Variants in STT3B observed in about 807,000 individuals in gnomAD.
STT3B encodes STT3 oligosaccharyltransferase complex catalytic subunit B.
Under a neutral mutation model 96.8 loss-of-function variants are expected in STT3B, and 29 were observed. That is an observed-to-expected ratio of 0.30 (90% CI 0.22 to 0.41). STT3B has a LOEUF of 0.41. Among genes scored for constraint, STT3B ranks in the 10% least tolerant of loss-of-function variants. The probability of loss-of-function intolerance (pLI) is 1.00; values close to 1 mark genes in which losing one functional copy is unlikely to be tolerated. For synonymous variants in STT3B, 367 were observed against 360.0 expected, an observed-to-expected ratio of 1.02 and a Z score of -0.22; for missense variants, 640 against 1,022.3, an observed-to-expected ratio of 0.63 and a Z score of 5.10.
In STT3B at chr3:31,600,425, A is replaced by G; in HGVS notation, c.843A>G (p.Leu281=). 6.3e-7 allele frequency: 1 copy of G among 1,593,982 alleles called. No homozygotes were observed. ...NLIPLHVFVL[L]LMQRYSKRVY... ...TTCCACTGCATGTATTTGTGTTGTT[A>G]CTGATGCAGAGATACAGCAAAAGAG... Residue 281 remains leucine, a synonymous_variant, in exon 5 of 16, where the codon TTA becomes TTG. Coordinates refer to ENST00000295770, the MANE Select transcript of STT3B (RefSeq NM_178862.3).
intron 2 of STT3B, among the ~76,000 whole-genome samples, chr3:31,577,179 A>G (rs1184238343): frequency 6.6e-6 from 1 of 152,178 alleles, no homozygotes; most frequent in East Asian, 1.9e-4. Flanking sequence ...TACTTCTAGC[A>G]TAGGTTTGTT....
At chr3:31,555,275 C>T (rs535987872) in intron 1 of STT3B, among the ~76,000 whole-genome samples, 1 of 152,136 alleles carries the variant, frequency 6.6e-6, no homozygotes, top group Non-Finnish European at 1.5e-5. Flanking sequence ...GCCTCTATTT[C>T]AAATCCTCTT....
At chr3:31,584,747 G>T (rs948494041) in intron 3 of STT3B, among the ~76,000 whole-genome samples, 1 of 152,048 alleles carries the variant, frequency 6.6e-6, no homozygotes, top group Non-Finnish European at 1.5e-5. Context: ...AATAGATTCA[G>T]TATTTGAAAA....
intron 1 of STT3B, among the ~76,000 whole-genome samples, chr3:31,545,177 G>C (rs1013265310): frequency 2.0e-5 from 3 of 152,148 alleles, no homozygotes; most frequent in Non-Finnish European, 4.4e-5. Context: ...TCATGAGTTT[G>C]AGGAGCAACT....
At chr3:31,565,687 G>A (rs895352072) in intron 1 of STT3B, among the ~76,000 whole-genome samples, 5 of 152,162 alleles carry the variant, frequency 3.3e-5, no homozygotes. Flanking sequence ...GATTTGTTTG[G>A]TAAAACCAAC....
intron 10 of STT3B, among the ~76,000 whole-genome samples, chr3:31,622,759 G>A (rs959274744): frequency 1.3e-5 from 2 of 152,130 alleles, no homozygotes; most frequent in African/African-American, 2.4e-5. Flanking sequence ...AATGAAGGGA[G>A]CAAAATGCCT....
At chr3:31,593,731 C>CATGT (rs1698721074) in intron 3 of STT3B, among the ~76,000 whole-genome samples, 1 of 151,854 alleles carries the variant, frequency 6.6e-6, no homozygotes, top group Non-Finnish European at 1.5e-5. Flanking sequence ...TTATTTCTCA[C>CATGT]ATGTATAGGA....
In STT3B at chr3:31,561,311, ATG is replaced by A. The variant is rs1294777680; in HGVS notation, c.315-15083_315-15082del. 1.7e-4 allele frequency among the ~76,000 whole-genome samples: 26 copies of A among 152,006 alleles called. No individual in the cohort carries two copies. In the South Asian group the frequency reaches 3.9e-3, roughly 23 times the overall value. ...AAAATTTTATGGGTACATGATAAGTATGTATATTTATGGGATACGTGAGATAT... is the reference window on the plus strand; with the variant it reads ...AAAATTTTATGGGTACATGATAAGTATATATTTATGGGATACGTGAGATAT... On this transcript the variant is annotated intron_variant, in intron 1 of 15. Transcript: ENST00000295770.
chr3:31,624,708 G>A (rs998601875), intron 11 of STT3B, among the ~76,000 whole-genome samples: 4 of 149,278 alleles, frequency 2.7e-5, no homozygotes, highest in Admixed American at 2.0e-4. Context: ...TATGCAGGTG[G>A]TTTGTGCACA....
At chr3:31,550,875 G>A (rs1325289952) in intron 1 of STT3B, among the ~76,000 whole-genome samples, 1 of 151,952 alleles carries the variant, frequency 6.6e-6, no homozygotes, top group African/African-American at 2.4e-5. Context: ...GCCACTAGAT[G>A]GCAGGAGCAA....
At chr3:31,590,779 A>G (rs1698647901) in intron 3 of STT3B, among the ~76,000 whole-genome samples, 1 of 152,070 alleles carries the variant, frequency 6.6e-6, no homozygotes, top group Non-Finnish European at 1.5e-5. Flanking sequence ...ATAAACATAT[A>G]CTGTCTTTGG....
chr3:31,618,287 T>TTACCTGACA (rs57924710), intron 8 of STT3B, among the ~76,000 whole-genome samples: 1 of 151,598 alleles, frequency 6.6e-6, no homozygotes, highest in Non-Finnish European at 1.5e-5. Flanking sequence ...GATTTGTCTT[T>TTACCTGACA]TATAACATTT....
At chr3:31,558,861 A>T (rs1242865243) in intron 1 of STT3B, among the ~76,000 whole-genome samples, 7 of 120,718 alleles carry the variant, frequency 5.8e-5, no homozygotes, top group African/African-American at 2.4e-4. Context: ...TGGTCTGTTC[A>T]GGTTTTTTTT....
intron 4 of STT3B, among the ~76,000 whole-genome samples, chr3:31,598,935 G>A (rs959987401): frequency 2.9e-4 from 44 of 151,738 alleles, no homozygotes; most frequent in African/African-American, 9.7e-4. Flanking sequence ...TCAGCCTCCC[G>A]AGTAGCTGGG....
intron 1 of STT3B, among the ~76,000 whole-genome samples, chr3:31,541,934 T>C (rs1697284612): frequency 6.6e-6 from 1 of 152,134 alleles, no homozygotes; most frequent in African/African-American, 2.4e-5. Flanking sequence ...TGCCTGTTCT[T>C]TTATAGCGGG....
chr3:31,609,262 T>G lies in STT3B; in HGVS notation c.878-5843T>G, dbSNP rs756095562. Among the ~76,000 whole-genome samples, 3 of 152,188 alleles carry G rather than the reference T, an allele frequency of 2.0e-5. No individual in the cohort carries two copies. In the South Asian group the frequency reaches 6.2e-4, roughly 32 times the overall value. ...CTCTCTTCTTTATGAGTGAATTAAATTTGCTGGTATTTGTCTTTTACTACT... is the reference window on the plus strand; with the variant it reads ...CTCTCTTCTTTATGAGTGAATTAAAGTTGCTGGTATTTGTCTTTTACTACT... On this transcript the variant is annotated intron_variant, in intron 5 of 15. Transcript: ENST00000295770.
At chr3:31,535,465 T>G (rs1258507215) in intron 1 of STT3B, among the ~76,000 whole-genome samples, 1 of 152,134 alleles carries the variant, frequency 6.6e-6, no homozygotes, top group African/African-American at 2.4e-5. Context: ...GGCTCACGCC[T>G]GTAATCCCAG....
At chr3:31,585,195 G>A (rs1384465417) in intron 3 of STT3B, among the ~76,000 whole-genome samples, 1 of 151,956 alleles carries the variant, frequency 6.6e-6, no homozygotes, top group Non-Finnish European at 1.5e-5. Flanking sequence ...TACACTTTTG[G>A]ATTTGTGTTC....
At chr3:31,635,717 G>A (rs2125482307) in intron 15 of STT3B, among the ~76,000 whole-genome samples, 1 of 152,300 alleles carries the variant, frequency 6.6e-6, no homozygotes, top group Non-Finnish European at 1.5e-5. Flanking sequence ...TCAGCACTTT[G>A]TGGTTGAGAA....
Sources: gnomAD v4.1 joint callset for allele counts (sites outside exome capture counted in the v4.1 genomes callset) on GRCh38, gnomAD v4.1.1 for gene constraint, MANE v1.5 for transcripts, NCBI Gene and HGNC (gene_info 2026-07-23, HGNC 2026-07-21) for gene names.